The following ARHGAP32 variants were observed in gnomAD, a reference collection of about 807,000 sequenced individuals.
The protein encoded by ARHGAP32 is rho GTPase-activating protein 32.
ARHGAP32 carries 51 observed loss-of-function variants against 186.5 expected under a neutral mutation model. The observed-to-expected ratio is 0.27, with a 90% CI of 0.22 to 0.35. The LOEUF (loss-of-function observed/expected upper bound fraction) is 0.35. ARHGAP32 is among the 10% of genes least tolerant of loss of function. ARHGAP32 has a pLI of 1.00. For missense variants in ARHGAP32, 2,186 were observed against 2,623.5 expected (o/e 0.83, Z 3.64); for synonymous variants, 950 against 964.3 (o/e 0.99, Z 0.27).
intron 5 of ARHGAP32, among the ~76,000 whole-genome samples, chr11:129,105,979 G>A (rs961618094): frequency 6.6e-6 from 1 of 152,102 alleles, no homozygotes; most frequent in Admixed American, 6.6e-5. Context: ...GGGCCAAAAG[G>A]TACAATAACT....
intron 1 of ARHGAP32, among the ~76,000 whole-genome samples, chr11:129,268,614 T>C (rs1285666822): frequency 2.7e-5 from 4 of 146,888 alleles, no homozygotes; most frequent in Non-Finnish European, 6.0e-5. Flanking sequence ...GTAACCTTTC[T>C]TTCTTTAAAA....
chr11:128,985,133 C>T (rs1056007790), intron 15 of ARHGAP32, among the ~76,000 whole-genome samples: 14 of 152,246 alleles, frequency 9.2e-5, no homozygotes, highest in African/African-American at 2.6e-4. Flanking sequence ...GATTCTCCTG[C>T]CTCAGCCCCC....
intron 1 of ARHGAP32, among the ~76,000 whole-genome samples, chr11:129,201,817 T>TA (rs573124350): frequency 2.2e-4 from 33 of 151,988 alleles, no homozygotes; most frequent in Non-Finnish European, 3.8e-4. Context: ...TCCATCTCTA[T>TA]AAAAAAACTT....
chr11:129,250,647 T>C (rs1471259451), intron 1 of ARHGAP32, among the ~76,000 whole-genome samples: 1 of 152,198 alleles, frequency 6.6e-6, no homozygotes, highest in Non-Finnish European at 1.5e-5. Context: ...AGTGAAACCT[T>C]ATACCTCTTT....
intron 10 of ARHGAP32, among the ~76,000 whole-genome samples, chr11:129,058,202 C>T (rs1258065009): frequency 8.3e-6 from 1 of 120,784 alleles, no homozygotes; most frequent in Non-Finnish European, 1.9e-5. Context: ...CACACACACA[C>T]ACACACACAC....
Position 128,969,771 on chromosome 11 carries a change from T to A in ARHGAP32, c.5442A>T (p.Lys1814Asn), listed in dbSNP as rs777711960. ...IHLRSKSDPG[K>N]TGLLSVAEGK... The stretch of plus-strand genomic sequence containing the variant: ...CTTCTGCCACTGAGAGAAGTCCAGT[T>A]TTCCCAGGATCTGATTTACTACGCA... Residue 1814 changes from lysine (K) to asparagine (N), a missense_variant, in exon 23 of 23, where the codon AAA becomes AAT. Lys to Asn is a moderately conservative substitution (Grantham distance 94). Transcript: ENST00000682385. This position sits in a 1 kb window ranked among gnomAD's most constrained non-coding sequence, Gnocchi z 4.8. The A allele has an allele frequency of 6.2e-7, 1 of 1,614,144 alleles. No homozygotes were observed. Among genetic ancestry groups the A allele is most frequent in the African/African-American group, 1.3e-5 (1 of 75,026 alleles).
intron 1 of ARHGAP32, among the ~76,000 whole-genome samples, chr11:129,166,251 T>C (rs1402150391): frequency 1.3e-5 from 2 of 151,864 alleles, no homozygotes; most frequent in Non-Finnish European, 2.9e-5. Context: ...GATGAGAGAC[T>C]TGGTTTAAAA....
chr11:129,228,642 G>T (rs865861109), intron 1 of ARHGAP32, among the ~76,000 whole-genome samples: 1 of 152,152 alleles, frequency 6.6e-6, no homozygotes. Context: ...TCACTATTAA[G>T]TGGGAGCTGA....
At position 128,969,948 on chromosome 11, in the gene ARHGAP32, T is replaced by C; in HGVS notation, c.5265A>G (p.Ser1755=). The C allele has an allele frequency of 1.2e-6, 2 of 1,614,100 alleles. No homozygotes were observed. Among genetic ancestry groups the C allele is most frequent in the South Asian group, 1.1e-5 (1 of 91,070 alleles). Residue 1755 remains serine, a synonymous_variant, in exon 23 of 23, where the codon TCA becomes TCG. Transcript: ENST00000682385. The surrounding 1 kb of genome is among the most constrained non-coding windows in gnomAD (Gnocchi z 4.8). ...PAADVKHTYT[S]WDLEDMEKYR... ...ATTTTTCCATGTCCTCAAGATCCCATGAGGTGTAGGTGTGCTTCACATCAG... is the reference window on the plus strand; with the variant it reads ...ATTTTTCCATGTCCTCAAGATCCCACGAGGTGTAGGTGTGCTTCACATCAG...
At chr11:129,064,077 T>G (rs1940606012) in intron 8 of ARHGAP32, 53 bp from the exon 9 acceptor site, 1 of 1,478,156 alleles carries the variant, frequency 6.8e-7, no homozygotes, top group Admixed American at 2.3e-5. Flanking sequence ...TGCAAATGCT[T>G]CTTTGACTAT....
chr11:129,162,307 C>A (rs1325950972), intron 2 of ARHGAP32, among the ~76,000 whole-genome samples: 1 of 151,958 alleles, frequency 6.6e-6, no homozygotes, highest in Non-Finnish European at 1.5e-5. Flanking sequence ...ATAAAAAAAT[C>A]TAAAATAAAT....
chr11:128,974,670 G>A lies in ARHGAP32; in HGVS notation c.2527C>T (p.Pro843Ser), dbSNP rs749795208. ...LDSPGYSKDK[P>S]SANKKDAETG... ...TCTGCATCCTTTTTATTGGCACTTG[G>A]TTTATCCTTGGAGTATCCTGGTGAA... The change falls in exon 21 of 23, where the codon CCA becomes TCA. Residue 843 changes from proline to serine, a missense_variant. This residue lies in a region of ARHGAP32 where 263 missense variants were observed against 323.5 expected (regional missense o/e 0.81). Coordinates refer to ENST00000682385, the MANE Select transcript of ARHGAP32 (RefSeq NM_001378024.1). 2 of 1,614,130 alleles carry A rather than the reference G, an allele frequency of 1.2e-6. No homozygotes were observed. Among genetic ancestry groups the A allele is most frequent in the Non-Finnish European group, 1.7e-6 (2 of 1,180,028 alleles).
intron 1 of ARHGAP32, among the ~76,000 whole-genome samples, chr11:129,167,415 G>T (rs1277267448): frequency 2.0e-5 from 3 of 152,086 alleles, no homozygotes; most frequent in Non-Finnish European, 4.4e-5. Context: ...ACTTGTACAT[G>T]AATATTCATA....
chr11:129,009,525 T>A (rs1937962573), intron 11 of ARHGAP32, among the ~76,000 whole-genome samples: 2 of 152,224 alleles, frequency 1.3e-5, no homozygotes, highest in African/African-American at 4.8e-5. Flanking sequence ...TGTGTGTTGT[T>A]CCCCCCATGC....
chr11:129,033,892 C>A (rs1384441609), intron 11 of ARHGAP32, among the ~76,000 whole-genome samples: 1 of 152,160 alleles, frequency 6.6e-6, no homozygotes, highest in Non-Finnish European at 1.5e-5. Flanking sequence ...TCTATATAGA[C>A]ACAGGTTTGT....
chr11:128,984,928 T>C (rs992376533), intron 15 of ARHGAP32, among the ~76,000 whole-genome samples: 15 of 152,194 alleles, frequency 9.9e-5, no homozygotes, highest in African/African-American at 2.7e-4. Flanking sequence ...TTTAGAAAGA[T>C]TGTATACAGA....
chr11:129,065,333 C>G (rs1216020766), intron 7 of ARHGAP32, among the ~76,000 whole-genome samples: 1 of 152,042 alleles, frequency 6.6e-6, no homozygotes, highest in Non-Finnish European at 1.5e-5. Context: ...GTGGCAGGAG[C>G]AGCCATGTTC....
intron 10 of ARHGAP32, among the ~76,000 whole-genome samples, chr11:129,041,873 C>CAT (rs1395993421): frequency 6.6e-6 from 1 of 152,170 alleles, no homozygotes; most frequent in East Asian, 1.9e-4. Flanking sequence ...AATGGGCTGC[C>CAT]ATGCAGCAGA....
At chr11:129,191,313 C>T (rs369684824) in intron 1 of ARHGAP32, among the ~76,000 whole-genome samples, 1 of 151,874 alleles carries the variant, frequency 6.6e-6, no homozygotes, top group Non-Finnish European at 1.5e-5. Context: ...GGTATTACAT[C>T]GCTAACTCTG....
Sources: gnomAD v4.1 joint callset for allele counts (sites outside exome capture counted in the v4.1 genomes callset) on GRCh38, gnomAD v4.1.1 for gene constraint, gnomAD v4.1.1 regional missense constraint, Gnocchi (gnomAD v3.1) non-coding constraint, MANE v1.5 for transcripts, NCBI Gene and HGNC (gene_info 2026-07-23, HGNC 2026-07-21) for gene names.